CSMD3: variants seen among roughly 807,000 people sequenced by gnomAD.
The protein encoded by CSMD3 is CUB and Sushi multiple domains 3, also known as CUB and sushi domain-containing protein 3.
A neutral mutation model predicts 435.2 loss-of-function variants in CSMD3; 177 were observed. The ratio of observed to expected loss-of-function variants is 0.41; its 90% CI spans 0.36 to 0.46. The LOEUF is 0.46. CSMD3 is among the 20% of genes least tolerant of loss of function. The pLI is 0.34. For synonymous variants in CSMD3, 1,656 were observed against 1,520.5 expected (o/e 1.09, Z -2.07); for missense variants, 4,265 against 4,504.6 (o/e 0.95, Z 1.52).
intron 10 of CSMD3, among the ~76,000 whole-genome samples, chr8:112,871,346 C>A (rs2081129519): frequency 6.6e-6 from 1 of 151,990 alleles, no homozygotes; most frequent in Non-Finnish European, 1.5e-5. Context: ...AAAATGTTTT[C>A]CAAATACTTC....
At chr8:112,651,161 AC>A (rs2075117419) in intron 18 of CSMD3, among the ~76,000 whole-genome samples, 2 of 152,216 alleles carry the variant, frequency 1.3e-5, no homozygotes, top group Non-Finnish European at 1.5e-5. Context: ...ACAAACTATA[AC>A]AAGTAATTAT....
intron 3 of CSMD3, among the ~76,000 whole-genome samples, chr8:113,221,426 A>C (rs1437296125): frequency 1.3e-5 from 2 of 150,900 alleles, no homozygotes; most frequent in Non-Finnish European, 3.0e-5. Flanking sequence ...ATGGTGTAAA[A>C]TGTAGATAAT....
intron 12 of CSMD3, among the ~76,000 whole-genome samples, chr8:112,806,051 G>A (rs1422489903): frequency 1.3e-5 from 2 of 152,088 alleles, no homozygotes; most frequent in Non-Finnish European, 2.9e-5. Flanking sequence ...ATCTGTTGAT[G>A]CTGAAGGCAT....
intron 32 of CSMD3, among the ~76,000 whole-genome samples, chr8:112,442,390 A>C (rs897593062): frequency 6.6e-6 from 1 of 152,212 alleles, no homozygotes; most frequent in Non-Finnish European, 1.5e-5. Context: ...GTTTAGGGAC[A>C]TAATCATCAT....
At chr8:112,903,607 TA>T (rs973559511) in intron 10 of CSMD3, among the ~76,000 whole-genome samples, 15 of 151,130 alleles carry the variant, frequency 9.9e-5, no homozygotes, top group African/African-American at 3.6e-4. Flanking sequence ...GCCTTTTTTT[TA>T]AGAAGAAAAA....
At chr8:112,409,908 G>C (rs541595402) in intron 32 of CSMD3, among the ~76,000 whole-genome samples, 1 of 151,964 alleles carries the variant, frequency 6.6e-6, no homozygotes, top group South Asian at 2.1e-4. Flanking sequence ...TGGTAAAATT[G>C]TGGGGTTTAA....
At chr8:112,656,390 T>C (rs762917629) in intron 17 of CSMD3, 49 bp from the exon 18 acceptor site, 1 of 1,413,322 alleles carries the variant, frequency 7.1e-7, no homozygotes, top group Non-Finnish European at 9.9e-7. Context: ...TAACACTATA[T>C]ATGGAAATAA....
intron 17 of CSMD3, among the ~76,000 whole-genome samples, chr8:112,658,259 C>A (rs2075301976): frequency 6.6e-6 from 1 of 152,122 alleles, no homozygotes; most frequent in African/African-American, 2.4e-5. Flanking sequence ...ATCATACTTG[C>A]CAGTCTTTTG....
At chr8:113,338,149 T>C (rs186059595) in intron 1 of CSMD3, among the ~76,000 whole-genome samples, 7 of 151,700 alleles carry the variant, frequency 4.6e-5, no homozygotes, top group Non-Finnish European at 1.0e-4. Flanking sequence ...CTGGTAAAAA[T>C]ATATAAACAA....
At chr8:113,006,800 G>A (rs1486491401) in intron 6 of CSMD3, among the ~76,000 whole-genome samples, 1 of 151,806 alleles carries the variant, frequency 6.6e-6, no homozygotes, top group Admixed American at 6.6e-5. Flanking sequence ...GAGGGGCAAG[G>A]GACTAATTCG....
At chr8:112,973,482 T>C (rs1306861602) in intron 7 of CSMD3, among the ~76,000 whole-genome samples, 1 of 151,910 alleles carries the variant, frequency 6.6e-6, no homozygotes, top group East Asian at 1.9e-4. Context: ...GAAGGGGACA[T>C]GCATTATTTA....
intron 31 of CSMD3, among the ~76,000 whole-genome samples, chr8:112,484,725 G>A (rs61116328): frequency 0.017 from 2,638 of 152,038 alleles, 77 homozygotes; most frequent in African/African-American, 0.06. Flanking sequence ...AATTCAAAAC[G>A]CAAAATCCAA....
At chr8:113,387,008 T>A (rs879435429) in intron 1 of CSMD3, among the ~76,000 whole-genome samples, 1 of 151,806 alleles carries the variant, frequency 6.6e-6, no homozygotes, top group African/African-American at 2.4e-5. Flanking sequence ...GGGAAAATGA[T>A]CTTTTTGAGC....
intron 63 of CSMD3, among the ~76,000 whole-genome samples, chr8:112,253,156 C>T (rs1316208660): frequency 6.6e-6 from 1 of 151,884 alleles, no homozygotes; most frequent in Non-Finnish European, 1.5e-5. Flanking sequence ...ACTTGATCTG[C>T]GAACAAAGCA....
At chr8:113,372,102 C>CA (rs2094349095) in intron 1 of CSMD3, among the ~76,000 whole-genome samples, 1 of 152,118 alleles carries the variant, frequency 6.6e-6, no homozygotes, top group Admixed American at 6.6e-5. Flanking sequence ...TGTGACTCTG[C>CA]AAGGCCAGGT....
rs140448787 is a variant in CSMD3, at chr8:112,967,089, C to G, written c.1342+8748G>C. Reference sequence around the variant, plus strand: ...ATCTCAGATCCAACTCCAATTCCATCAAGTCATGATCTGCATTTGAACAAG... The same window carrying G: ...ATCTCAGATCCAACTCCAATTCCATGAAGTCATGATCTGCATTTGAACAAG... On this transcript the variant is annotated intron_variant, in intron 7 of 70. Coordinates refer to ENST00000297405, the MANE Select transcript of CSMD3 (RefSeq NM_198123.2). Among the ~76,000 whole-genome samples the G allele has an allele frequency of 2.4e-3, 360 of 151,934 alleles. 2 individuals carry two copies. Among genetic ancestry groups the G allele is most frequent in the African/African-American group, 7.2e-3 (300 of 41,508 alleles).
At chr8:113,091,239 A>G (rs72685808) in intron 5 of CSMD3, among the ~76,000 whole-genome samples, 10,155 of 152,188 alleles carry the variant, frequency 0.067, 456 homozygotes, top group Non-Finnish European at 0.095. Context: ...AGCAATGCTC[A>G]TGAAAGTATT....
At chr8:112,328,181 A>T (rs1028890384) in intron 45 of CSMD3, among the ~76,000 whole-genome samples, 1 of 152,194 alleles carries the variant, frequency 6.6e-6, no homozygotes, top group Non-Finnish European at 1.5e-5. Context: ...AAGTATGATA[A>T]TCTCATGATT....
At chr8:112,329,472 C>A (rs1427830586) in intron 45 of CSMD3, among the ~76,000 whole-genome samples, 1 of 152,086 alleles carries the variant, frequency 6.6e-6, no homozygotes, top group Non-Finnish European at 1.5e-5. Context: ...TAAAACTGCT[C>A]AAATTTTCTA....
Sources: gnomAD v4.1 joint callset for allele counts (sites outside exome capture counted in the v4.1 genomes callset) on GRCh38, gnomAD v4.1.1 for gene constraint, MANE v1.5 for transcripts, NCBI Gene and HGNC (gene_info 2026-07-23, HGNC 2026-07-21) for gene names.